Variants in CNTN4 observed in about 807,000 individuals in gnomAD.
The protein encoded by CNTN4 is contactin 4.
Under a neutral mutation model 122.5 loss-of-function variants are expected in CNTN4, and 77 were observed. That is an observed-to-expected ratio of 0.63 (90% CI 0.52 to 0.76). CNTN4 has a LOEUF of 0.76. Among genes scored for constraint, CNTN4 ranks in the 30% least tolerant of loss-of-function variants. The probability of loss-of-function intolerance (pLI) is 0.00; values close to 1 mark genes in which losing one functional copy is unlikely to be tolerated. For missense variants in CNTN4, 1,256 were observed against 1,259.1 expected (o/e 1.00, Z 0.04); for synonymous variants, 512 against 447.0 (o/e 1.15, Z -1.83).
At chr3:2,764,966 G>A (rs894894734) in intron 6 of CNTN4, among the ~76,000 whole-genome samples, 2 of 152,150 alleles carry the variant, frequency 1.3e-5, no homozygotes, top group Non-Finnish European at 2.9e-5. Flanking sequence ...TTTGACTTCA[G>A]TACTTGAATT....
At chr3:2,944,938 T>C (rs2094659067) in intron 13 of CNTN4, among the ~76,000 whole-genome samples, 1 of 152,188 alleles carries the variant, frequency 6.6e-6, no homozygotes, top group African/African-American at 2.4e-5. Flanking sequence ...AGATAGCCCT[T>C]CAGAATGGTC....
intron 3 of CNTN4, among the ~76,000 whole-genome samples, chr3:2,558,039 T>A (rs1014994964): frequency 2.0e-5 from 3 of 152,180 alleles, no homozygotes; most frequent in Non-Finnish European, 4.4e-5. Flanking sequence ...GGAGGATAGC[T>A]CCACTGATGT....
chr3:2,559,945 T>G (rs1466405126), intron 3 of CNTN4, among the ~76,000 whole-genome samples: 1 of 152,170 alleles, frequency 6.6e-6, no homozygotes, highest in Non-Finnish European at 1.5e-5. Flanking sequence ...TCTGACATAT[T>G]GCATGTGTTC....
At chr3:2,835,166 A>T (rs980602550) in intron 7 of CNTN4, among the ~76,000 whole-genome samples, 3 of 151,914 alleles carry the variant, frequency 2.0e-5, no homozygotes. Context: ...CAGCCTCCCA[A>T]AGTGCTGGGA....
chr3:2,705,895 A>T (rs1310825358), intron 4 of CNTN4, among the ~76,000 whole-genome samples: 1 of 64,376 alleles, frequency 1.6e-5, no homozygotes, highest in African/African-American at 5.4e-5. Flanking sequence ...ATAATATATA[A>T]AATATATATT....
rs2084895326 is a variant in CNTN4 at position 2,677,141 on chromosome 3, A to G, written c.56-59074A>G. On this transcript the variant is annotated intron_variant, in intron 4 of 24. Coordinates refer to ENST00000418658, the MANE Select transcript of CNTN4 (RefSeq NM_175607.3). ...ATAGATCACTCTTTTAGATAGATAG[A>G]TAGATAGATAGATAGATAGATAGAT... is the stretch of plus-strand genomic sequence containing the variant. Among the ~76,000 whole-genome samples, 5 of 149,618 alleles carry G rather than the reference A, an allele frequency of 3.3e-5. No homozygotes were observed. The South Asian group carries it at 1.1e-3, about 31-fold the overall frequency.
chr3:2,189,455 A>G (rs896862698), intron 2 of CNTN4, among the ~76,000 whole-genome samples: 1 of 152,170 alleles, frequency 6.6e-6, no homozygotes, highest in African/African-American at 2.4e-5. Context: ...GATTGAGTTA[A>G]CGTGGTATAT....
intron 2 of CNTN4, among the ~76,000 whole-genome samples, chr3:2,247,154 C>A (rs1306167213): frequency 2.0e-5 from 3 of 151,956 alleles, no homozygotes; most frequent in Non-Finnish European, 4.4e-5. Flanking sequence ...GGATGTCATA[C>A]CCAGCGAATT....
At chr3:2,727,320 A>G (rs935336502) in intron 4 of CNTN4, among the ~76,000 whole-genome samples, 1 of 152,238 alleles carries the variant, frequency 6.6e-6, no homozygotes, top group African/African-American at 2.4e-5. Context: ...AAGCATATGA[A>G]TATTCACATT....
intron 4 of CNTN4, among the ~76,000 whole-genome samples, chr3:2,673,132 A>G (rs1225950600): frequency 3.3e-5 from 5 of 152,214 alleles, no homozygotes; most frequent in African/African-American, 1.2e-4. Flanking sequence ...TAGATGGAAA[A>G]TACGCAATCT....
At chr3:2,169,750 A>T (rs986033416) in intron 2 of CNTN4, among the ~76,000 whole-genome samples, 5 of 152,184 alleles carry the variant, frequency 3.3e-5, no homozygotes, top group Non-Finnish European at 7.3e-5. Context: ...GAATATAACA[A>T]TTCACTGTAA....
At chr3:2,772,002 A>G (rs146835636) in intron 6 of CNTN4, among the ~76,000 whole-genome samples, 6 of 152,304 alleles carry the variant, frequency 3.9e-5, no homozygotes, top group African/African-American at 1.4e-4. Flanking sequence ...GAAACATTCC[A>G]TGTTTCAAGG....
At chr3:2,926,092 C>A (rs2094470919) in intron 13 of CNTN4, among the ~76,000 whole-genome samples, 1 of 152,176 alleles carries the variant, frequency 6.6e-6, no homozygotes, top group South Asian at 2.1e-4. Context: ...TAGATTTCCC[C>A]ACCTTTCCCC....
chr3:2,231,676 T>C (rs1400643374), intron 2 of CNTN4, among the ~76,000 whole-genome samples: 1 of 152,218 alleles, frequency 6.6e-6, no homozygotes, highest in African/African-American at 2.4e-5. Flanking sequence ...TGGGTTAAAG[T>C]CAAATAAAAG....
intron 2 of CNTN4, among the ~76,000 whole-genome samples, chr3:2,153,896 GCT>G (rs754804033): frequency 4.6e-5 from 7 of 152,092 alleles, no homozygotes; most frequent in Non-Finnish European, 7.4e-5. Context: ...GGGATCTTTA[GCT>G]TAAGGAACTT....
chr3:2,991,950 A>C (rs982694452), intron 14 of CNTN4, among the ~76,000 whole-genome samples: 2 of 152,204 alleles, frequency 1.3e-5, no homozygotes, highest in African/African-American at 4.8e-5. Context: ...AAACACCGTG[A>C]AGGTCGGGCG....
intron 4 of CNTN4, among the ~76,000 whole-genome samples, chr3:2,666,688 C>T (rs2084185553): frequency 6.6e-6 from 1 of 151,816 alleles, no homozygotes. Flanking sequence ...TGGTGTGCTG[C>T]ACCCATTAAT....
intron 2 of CNTN4, among the ~76,000 whole-genome samples, chr3:2,318,372 TTGGCCCTGTCTCCA>T (rs2043180861): frequency 1.3e-5 from 2 of 152,174 alleles, no homozygotes; most frequent in Admixed American, 1.3e-4. Context: ...CCAGAAGAGG[TTGGCCCTGTCTCCA>T]TCAGGAATTG....
At chr3:2,949,038 C>T (rs993152588) in intron 13 of CNTN4, among the ~76,000 whole-genome samples, 4 of 152,124 alleles carry the variant, frequency 2.6e-5, no homozygotes, top group African/African-American at 9.7e-5. Flanking sequence ...CCCTACTTAT[C>T]TCTCTGACCA....
Sources: allele counts gnomAD v4.1 joint callset (sites outside exome capture counted in the v4.1 genomes callset), GRCh38; gene constraint gnomAD v4.1.1; transcripts MANE v1.5; gene names NCBI Gene and HGNC (gene_info 2026-07-23, HGNC 2026-07-21).